Variants in PKHD1 observed in about 807,000 individuals in gnomAD.
PKHD1 encodes the protein fibrocystin.
In PKHD1, 291 loss-of-function variants were observed where a neutral mutation model predicts 412.0. The observed-to-expected ratio is 0.71, with a 90% CI of 0.64 to 0.78. The LOEUF (loss-of-function observed/expected upper bound fraction) is 0.78, where lower values mean the gene tolerates loss of function less well. Among genes scored for constraint, PKHD1 ranks in the 30% least tolerant of loss-of-function variants. PKHD1 has a pLI of 0.00. For missense variants in PKHD1, 4,825 were observed against 4,950.7 expected (o/e 0.97, Z 0.76); for synonymous variants, 1,777 against 1,821.5 (o/e 0.98, Z 0.62).
chr6:51,674,360 C>T (rs1775498950), intron 60 of PKHD1, among the ~76,000 whole-genome samples: 1 of 152,170 alleles, frequency 6.6e-6, no homozygotes, highest in Non-Finnish European at 1.5e-5. Flanking sequence ...GCTTTGACTT[C>T]ACTACAAAGA....
At chr6:52,084,560 T>C (rs1186565109) in intron 2 of PKHD1, among the ~76,000 whole-genome samples, 1 of 152,240 alleles carries the variant, frequency 6.6e-6, no homozygotes, top group Non-Finnish European at 1.5e-5. Context: ...GGTTATAAGT[T>C]ATTATTAAAA....
intron 61 of PKHD1, among the ~76,000 whole-genome samples, chr6:51,651,809 T>C (rs1031095414): frequency 5.9e-5 from 9 of 152,196 alleles, no homozygotes; most frequent in African/African-American, 2.2e-4. Context: ...CTAGGCGTTA[T>C]TGGGTGCTAG....
At chr6:51,721,778 C>G (rs1582277543) in intron 60 of PKHD1, 2 of 1,426,332 alleles carry the variant, frequency 1.4e-6, no homozygotes, top group South Asian at 1.6e-5. Flanking sequence ...TATTTCCTCT[C>G]TTTTGTATTT....
intron 37 of PKHD1, among the ~76,000 whole-genome samples, chr6:51,930,816 T>C (rs529315370): frequency 2.6e-5 from 4 of 152,314 alleles, no homozygotes; most frequent in Admixed American, 2.0e-4. Context: ...GGAATGGTGG[T>C]TATCCACAGC....
chr6:51,659,926 C>A lies in PKHD1; in HGVS notation c.10200G>T (p.Met3400Ile). 1 of 1,612,174 alleles carries A rather than the reference C, an allele frequency of 6.2e-7. No individual in the cohort carries two copies. The highest frequency in any genetic ancestry group is 8.5e-7 in the Non-Finnish European group (1 of 1,178,582). Residue 3400 changes from methionine (M) to isoleucine (I), a missense_variant, in exon 61 of 67, where the codon ATG (methionine) becomes ATT (isoleucine). By Grantham distance (10) the Met-to-Ile change is conservative (BLOSUM62 1). Coordinates refer to ENST00000371117, the MANE Select transcript of PKHD1 (RefSeq NM_138694.4). ...CAGTCTGTTTGCAGATGAATCCTTG[C>A]ATCAGAAATTGGTATGTACATTTCT... ...EEQKCTYQFL[M>I]QGFICKQTDQ...
At chr6:52,019,606 GATCAAAATCT>G (rs1404640690) in intron 33 of PKHD1, among the ~76,000 whole-genome samples, 3 of 152,182 alleles carry the variant, frequency 2.0e-5, no homozygotes, top group Non-Finnish European at 2.9e-5. Flanking sequence ...CAGGGCTGGG[GATCAAAATCT>G]ATGGGTTTTA....
chr6:51,848,562 G>T (rs1292047079), intron 49 of PKHD1, among the ~76,000 whole-genome samples: 1 of 152,114 alleles, frequency 6.6e-6, no homozygotes, highest in African/African-American at 2.4e-5. Flanking sequence ...GCAGTGTCAG[G>T]ACATAAACCT....
intron 60 of PKHD1, among the ~76,000 whole-genome samples, chr6:51,707,017 G>T (rs1021995031): frequency 6.6e-6 from 1 of 152,138 alleles, no homozygotes; most frequent in African/African-American, 2.4e-5. Context: ...TCTGTGTGGT[G>T]ATTACTAAAA....
At chr6:51,827,502 T>C (rs1582907441) in intron 52 of PKHD1, among the ~76,000 whole-genome samples, 1 of 152,146 alleles carries the variant, frequency 6.6e-6, no homozygotes, top group Non-Finnish European at 1.5e-5. Context: ...CCCAGGTTTA[T>C]CCTAGTCGAC....
intron 60 of PKHD1, among the ~76,000 whole-genome samples, chr6:51,666,799 G>C (rs916927462): frequency 6.7e-6 from 1 of 150,208 alleles, no homozygotes; most frequent in Non-Finnish European, 1.5e-5. Flanking sequence ...GCAGTGTTTG[G>C]TTTTTTGTTC....
intron 35 of PKHD1, among the ~76,000 whole-genome samples, chr6:51,992,667 G>A (rs1032467014): frequency 1.3e-5 from 2 of 152,232 alleles, no homozygotes; most frequent in Admixed American, 1.3e-4. Context: ...GGCACTGAAG[G>A]CTTCAATGAG....
Position 52,046,020 on chromosome 6 carries a change from A to C in PKHD1, c.2576T>G (p.Leu859Trp), listed in dbSNP as rs769143280. 1.7e-5 allele frequency: 28 copies of C among 1,613,380 alleles called. No homozygotes were observed. The highest frequency in any genetic ancestry group is 2.0e-5 in the Non-Finnish European group (24 of 1,179,492). The change falls in exon 24 of 67, where the codon TTG (leucine) becomes TGG (tryptophan). Residue 859 changes from leucine (L) to tryptophan (W), a missense_variant. By Grantham distance (61) the Leu-to-Trp change is moderately conservative (BLOSUM62 -2). Coordinates refer to ENST00000371117, the MANE Select transcript of PKHD1 (RefSeq NM_138694.4). The part of the protein sequence containing the change: ...TLSWSTQIGD[L>W]PNFIRVSDEN... ...TATACATACCCTGATAAAATTGGGC[A>C]AATCCCCAATCTGAGTGGACCAGGA...
At chr6:51,803,230 A>C (rs1453146025) in intron 52 of PKHD1, among the ~76,000 whole-genome samples, 1 of 151,456 alleles carries the variant, frequency 6.6e-6, no homozygotes, top group Non-Finnish European at 1.5e-5. Context: ...ATTTTTTGGA[A>C]AGTCCCCAAA....
At chr6:51,886,909 G>T (rs1778297132) in intron 44 of PKHD1, among the ~76,000 whole-genome samples, 1 of 152,152 alleles carries the variant, frequency 6.6e-6, no homozygotes, top group African/African-American at 2.4e-5. Context: ...TGGTGATGAT[G>T]GTTGCAGGGG....
chr6:51,744,271 C>A, intron 60 of PKHD1, 114 bp downstream of exon 60: 1 of 908,778 alleles, frequency 1.1e-6, no homozygotes, highest in Non-Finnish European at 1.8e-6. Flanking sequence ...CAGACTCCAA[C>A]TCTAGAATTT....
intron 55 of PKHD1, among the ~76,000 whole-genome samples, chr6:51,768,270 G>A (rs987766374): frequency 6.6e-6 from 1 of 151,650 alleles, no homozygotes; most frequent in Non-Finnish European, 1.5e-5. Context: ...TTATTCCAAA[G>A]AATTTAATGA....
rs113543445 is a variant in PKHD1 at position 52,070,506 on chromosome 6, A to G, written c.668-61T>C. 8.0e-4 allele frequency: 1,032 copies of G among 1,284,308 alleles called. 7 individuals carry two copies. The African/African-American group carries it at 0.012, about 15-fold the overall frequency. 79.6% of individuals were successfully genotyped at this position (1,284,308 alleles called of 1,614,324 possible). A position where few individuals can be genotyped will look rare whatever the true frequency, so the allele number is the denominator to read the frequency against. ...CTGCACGAGTCTTCTGGGCCAGGCC[A>G]TTGCTTTCATAAGCCCAAAGACTCC... On this transcript the variant is annotated intron_variant, in intron 9 of 66. Transcript: ENST00000371117.
chr6:51,791,147 A>G lies in PKHD1; in HGVS notation c.8440+89T>C, dbSNP rs952867073. On this transcript the variant is annotated intron_variant, in intron 53 of 66. Transcript: ENST00000371117. ...AACCCTCCCTAAACTCTGTTAAGCA[A>G]CCTGCTTGATGATACCATCTGTTTC... 2.6e-5 allele frequency: 35 copies of G among 1,352,754 alleles called. 1 individual carries two copies. The highest frequency in any genetic ancestry group is 2.4e-4 in the South Asian group (21 of 85,800). 83.8% of individuals were successfully genotyped at this position (1,352,754 alleles called of 1,614,324 possible).
chr6:51,986,867 A>G (rs1796279770), intron 35 of PKHD1, among the ~76,000 whole-genome samples: 1 of 152,250 alleles, frequency 6.6e-6, no homozygotes, highest in Non-Finnish European at 1.5e-5. Context: ...CCTTTATCCA[A>G]CAAATAGCGT....
Sources: allele counts gnomAD v4.1 joint callset (sites outside exome capture counted in the v4.1 genomes callset), GRCh38; gene constraint gnomAD v4.1.1; transcripts MANE v1.5; gene names NCBI Gene and HGNC (gene_info 2026-07-23, HGNC 2026-07-21).